The following TBXAS1 variants were observed in gnomAD, a reference collection of about 807,000 sequenced individuals.
The protein encoded by TBXAS1 is thromboxane A synthase 1, also known as thromboxane-A synthase.
A neutral mutation model predicts 60.7 loss-of-function variants in TBXAS1; 48 were observed. That is an observed-to-expected ratio of 0.79 (90% CI 0.63 to 1.01). The LOEUF (loss-of-function observed/expected upper bound fraction) is 1.01. Among genes scored for constraint, TBXAS1 ranks in the 50% least tolerant of loss-of-function variants. The probability of loss-of-function intolerance (pLI) is 0.00; values close to 1 mark genes in which losing one functional copy is unlikely to be tolerated. For missense variants in TBXAS1, 685 were observed against 686.3 expected, an observed-to-expected ratio of 1.00 and a Z score of 0.02; for synonymous variants, 287 against 269.7, an observed-to-expected ratio of 1.06 and a Z score of -0.63.
At chr7:139,891,112 C>G (rs1298789564) in intron 3 of TBXAS1, among the ~76,000 whole-genome samples, 1 of 152,100 alleles carries the variant, frequency 6.6e-6, no homozygotes, top group Non-Finnish European at 1.5e-5. Context: ...TTCACCTGTC[C>G]ACTGTCCCAG....
chr7:139,833,969 T>C (rs1470381294), intron 1 of TBXAS1, among the ~76,000 whole-genome samples: 1 of 152,098 alleles, frequency 6.6e-6, no homozygotes, highest in Non-Finnish European at 1.5e-5. Flanking sequence ...ACCTAACAGA[T>C]ATATACAGAA....
intron 1 of TBXAS1, among the ~76,000 whole-genome samples, chr7:139,847,701 C>T (rs935525961): frequency 6.6e-6 from 1 of 152,192 alleles, no homozygotes; most frequent in African/African-American, 2.4e-5. Context: ...GCAATAAGGT[C>T]TCTGTTCCAT....
At chr7:139,903,291 C>T (rs547295588) in intron 3 of TBXAS1, among the ~76,000 whole-genome samples, 1 of 152,204 alleles carries the variant, frequency 6.6e-6, no homozygotes, top group South Asian at 2.1e-4. Context: ...CTTTTAATGG[C>T]AGCATAGTAT....
chr7:139,903,269 G>C (rs948955894), intron 3 of TBXAS1, among the ~76,000 whole-genome samples: 1 of 152,046 alleles, frequency 6.6e-6, no homozygotes, highest in Non-Finnish European at 1.5e-5. Flanking sequence ...TGCAAATGCT[G>C]TTATGTCATT....
At chr7:139,865,632 G>A (rs1264334797) in intron 1 of TBXAS1, among the ~76,000 whole-genome samples, 7 of 99,658 alleles carry the variant, frequency 7.0e-5, no homozygotes, top group African/African-American at 2.7e-4. Context: ...AGGAGGAGGA[G>A]GAAGAGGAGG....
chr7:139,791,222 T>C (rs1271627975), intron 4 of TBXAS1, among the ~76,000 whole-genome samples: 1 of 152,216 alleles, frequency 6.6e-6, no homozygotes, highest in Non-Finnish European at 1.5e-5. Context: ...ATGCTAACGG[T>C]AGCCTAACAC....
chr7:139,875,876 C>G (rs1802194234), intron 3 of TBXAS1: 2 of 560,142 alleles, frequency 3.6e-6, no homozygotes, highest in Admixed American at 3.0e-5. Context: ...CACTTTCCAG[C>G]CTTTGCAGCC....
intron 9 of TBXAS1, among the ~76,000 whole-genome samples, chr7:140,000,612 A>G (rs1813600562): frequency 1.3e-5 from 2 of 152,226 alleles, no homozygotes; most frequent in Non-Finnish European, 2.9e-5. Flanking sequence ...AATCAACTAC[A>G]TATGAAAAAG....
At chr7:139,993,231 A>G (rs1036910910) in intron 9 of TBXAS1, among the ~76,000 whole-genome samples, 1 of 152,114 alleles carries the variant, frequency 6.6e-6, no homozygotes, top group Non-Finnish European at 1.5e-5. Context: ...ACTTACCCTC[A>G]TGACCTCATC....
intron 4 of TBXAS1, among the ~76,000 whole-genome samples, chr7:139,812,393 C>T (rs1279149064): frequency 6.6e-6 from 1 of 152,170 alleles, no homozygotes; most frequent in Non-Finnish European, 1.5e-5. Context: ...CTGAACCAAA[C>T]GTTTTTCCAG....
At chr7:139,941,729 TCA>T (rs1808307323) in intron 5 of TBXAS1, among the ~76,000 whole-genome samples, 1 of 152,234 alleles carries the variant, frequency 6.6e-6, no homozygotes, top group Non-Finnish European at 1.5e-5. Flanking sequence ...ATTTAGATTT[TCA>T]CAGTCTTTTG....
intron 4 of TBXAS1, among the ~76,000 whole-genome samples, chr7:139,821,611 A>C (rs1798298798): frequency 6.6e-6 from 1 of 152,258 alleles, no homozygotes; most frequent in Non-Finnish European, 1.5e-5. Context: ...GGAAACACAC[A>C]GATGGCTGCT....
intron 3 of TBXAS1, among the ~76,000 whole-genome samples, chr7:139,895,935 C>G (rs967423970): frequency 1.3e-5 from 2 of 152,128 alleles, no homozygotes; most frequent in Admixed American, 1.3e-4. Context: ...AGAAAATGAC[C>G]AGGGGCTGGG....
At chr7:139,915,352 T>C in intron 4 of TBXAS1, among the ~76,000 whole-genome samples, 1 of 152,248 alleles carries the variant, frequency 6.6e-6, no homozygotes, top group East Asian at 1.9e-4. Context: ...TAATAGGCCA[T>C]GTTTACTTAA....
chr7:140,020,150 C>T lies in TBXAS1; in HGVS notation c.*51C>T, dbSNP rs1266764821. 6.3e-7 allele frequency: 1 copy of T among 1,578,776 alleles called. No individual in the cohort carries two copies. On this transcript the variant is annotated 3_prime_UTR_variant, in exon 13 of 13. Coordinates refer to ENST00000448866, the MANE Select transcript of TBXAS1 (RefSeq NM_001061.7). The stretch of plus-strand genomic sequence containing the variant: ...GGGCACCCCCAAATTCAAAGAAAAC[C>T]CTAAGTGTGGATGTTCAGAATTTTG...
At chr7:139,984,243 C>G (rs1015050982) in intron 9 of TBXAS1, among the ~76,000 whole-genome samples, 2 of 152,034 alleles carry the variant, frequency 1.3e-5, no homozygotes, top group Non-Finnish European at 2.9e-5. Flanking sequence ...GAATAACATA[C>G]TTAGCACATA....
At chr7:140,017,524 A>C (rs1036712618) in intron 11 of TBXAS1, 147 bp from the exon 12 acceptor site, 36 of 1,063,600 alleles carry the variant, frequency 3.4e-5, no homozygotes, top group Middle Eastern at 3.1e-4. Context: ...GCAGAGAGGG[A>C]CTGAGGCTCA....
chr7:140,005,844 T>C (rs1228169427), intron 9 of TBXAS1, among the ~76,000 whole-genome samples: 1 of 152,228 alleles, frequency 6.6e-6, no homozygotes, highest in East Asian at 1.9e-4. Context: ...CAAGACTCCA[T>C]GTGTCCTGGC....
intron 1 of TBXAS1, among the ~76,000 whole-genome samples, chr7:139,779,104 G>A (rs1320375648): frequency 6.6e-6 from 1 of 152,206 alleles, no homozygotes; most frequent in Non-Finnish European, 1.5e-5. Flanking sequence ...ACTGGACCAT[G>A]ATGTCAATTT....
Sources: gnomAD v4.1 joint callset for allele counts (sites outside exome capture counted in the v4.1 genomes callset) on GRCh38, gnomAD v4.1.1 for gene constraint, MANE v1.5 for transcripts, NCBI Gene and HGNC (gene_info 2026-07-23, HGNC 2026-07-21) for gene names.